The following KIF25 variants were observed in gnomAD, a reference collection of about 807,000 sequenced individuals.
The protein encoded by KIF25 is kinesin-like protein KIF25.
A neutral mutation model predicts 32.9 loss-of-function variants in KIF25; 19 were observed. That is an observed-to-expected ratio of 0.58 (90% CI 0.40 to 0.85). KIF25 has a LOEUF of 0.85. Ranked by LOEUF, KIF25 falls within the 40% of genes least tolerant of loss-of-function variation. The pLI is 0.00. For synonymous variants in KIF25, 225 were observed against 213.7 expected, an observed-to-expected ratio of 1.05 and a Z score of -0.46; for missense variants, 485 against 507.0, an observed-to-expected ratio of 0.96 and a Z score of 0.42.
rs781427087 is a variant in KIF25, at chr6:168,033,903, G to A, written c.189G>A (p.Ala63=). The change falls in exon 8 of 13, where the codon GCG becomes GCA. Residue 63 remains alanine, a synonymous_variant. Transcript: ENST00000643607. ...TTAGGTACAATGTTTGTGTTATGGC[G>A]TATGGACAGACGGGCAGCGGAAAGA... The part of the protein sequence containing the change: ...LLDGYNVCVM[A]YGQTGSGKSY... 1.1e-5 allele frequency: 17 copies of A among 1,614,038 alleles called. No homozygotes were observed. Among genetic ancestry groups the A allele is most frequent in the Admixed American group, 3.3e-5 (2 of 60,006 alleles).
intron 5 of KIF25, among the ~76,000 whole-genome samples, chr6:168,020,283 C>T (rs1324037279): frequency 6.6e-6 from 1 of 152,142 alleles, no homozygotes; most frequent in African/African-American, 2.4e-5. Flanking sequence ...ACCAGCACCT[C>T]TAAAGTACGG....
intron 5 of KIF25, among the ~76,000 whole-genome samples, chr6:168,025,383 C>A (rs1798846073): frequency 6.6e-6 from 1 of 152,258 alleles, no homozygotes; most frequent in Non-Finnish European, 1.5e-5. Flanking sequence ...CTTCTACTAT[C>A]GTCTTCCCAA....
At chr6:168,014,766 C>A (rs1007151656) in intron 4 of KIF25, among the ~76,000 whole-genome samples, 4 of 152,192 alleles carry the variant, frequency 2.6e-5, no homozygotes, top group African/African-American at 9.7e-5. Context: ...TGGTAGCTGT[C>A]TTAAAGGCTA....
intron 10 of KIF25, 132 bp downstream of exon 10, chr6:168,040,348 C>G: frequency 1.1e-6 from 1 of 881,730 alleles, no homozygotes; most frequent in Non-Finnish European, 1.6e-6. Flanking sequence ...GGTGGATCAC[C>G]TGAGGTCAAG....
At chr6:168,031,969 A>G (rs911273019) in intron 7 of KIF25, among the ~76,000 whole-genome samples, 14 of 152,352 alleles carry the variant, frequency 9.2e-5, no homozygotes, top group African/African-American at 3.1e-4. Flanking sequence ...TCAGGGAGAC[A>G]TGAGACTTCA....
chr6:168,035,433 C>A (rs560299762), intron 8 of KIF25, among the ~76,000 whole-genome samples: 1 of 9,382 alleles, frequency 1.1e-4, no homozygotes, highest in Admixed American at 1.6e-3. Flanking sequence ...GCTGGAACGG[C>A]GCGGCGGAGG....
intron 4 of KIF25, among the ~76,000 whole-genome samples, chr6:168,016,861 ACGAGGCACAGC>A (rs994032547): frequency 6.6e-6 from 1 of 152,244 alleles, no homozygotes; most frequent in Admixed American, 6.5e-5. Flanking sequence ...AAGGCTGCCT[ACGAGGCACAGC>A]CGAGGCTCTG....
At chr6:168,035,358 G>A (rs1280523981) in intron 8 of KIF25, among the ~76,000 whole-genome samples, 2 of 136,730 alleles carry the variant, frequency 1.5e-5, no homozygotes, top group Non-Finnish European at 3.1e-5. Flanking sequence ...TTCCACGGCT[G>A]CGTTTCCGTT....
rs1270030898 is a variant in KIF25, at chr6:168,027,474, A to AAG, written c.-94-2006_-94-2005dup. 3.4e-3 allele frequency among the ~76,000 whole-genome samples: 474 copies of AAG among 140,510 alleles called. 15 individuals carry two copies. The highest frequency in any genetic ancestry group is 7.0e-3 in the Middle Eastern group (2 of 284). The allele number at this position is 140,510 out of a possible 152,430, so 92.2% of individuals were successfully genotyped here. On this transcript the variant is annotated intron_variant, in intron 5 of 12. Transcript: ENST00000643607. ...GTCTCCAAAAAAAAAAAAAAAAAAA[A>AAG]AGAGAGAGAGAGAAAGAAAAAGGGA... is the stretch of plus-strand genomic sequence containing the variant.
Position 168,030,830 on chromosome 6 carries a change from CACT to C in KIF25, c.151_153del (p.Thr51del). 1.2e-6 allele frequency: 2 copies of C among 1,612,920 alleles called. No homozygotes were observed. The highest frequency in any genetic ancestry group is 1.7e-6 in the Non-Finnish European group (2 of 1,179,314). ...TCTTTGGAGATGTGTGCCCCCTACT[CACT>C]TCTCTCTTGGATGGGTGAGTTAAAA... On this transcript the variant is annotated inframe_deletion, in exon 7 of 13. Coordinates refer to ENST00000643607, the MANE Select transcript of KIF25 (RefSeq NM_030615.4).
At chr6:168,027,038 C>T (rs1798869348) in intron 5 of KIF25, among the ~76,000 whole-genome samples, 1 of 152,100 alleles carries the variant, frequency 6.6e-6, no homozygotes, top group South Asian at 2.1e-4. Context: ...GGACCGTTCC[C>T]AGGAGGCTGC....
intron 8 of KIF25, among the ~76,000 whole-genome samples, chr6:168,038,161 G>A (rs1448613088): frequency 6.6e-6 from 1 of 152,222 alleles, no homozygotes; most frequent in Non-Finnish European, 1.5e-5. Flanking sequence ...CCCATCACTG[G>A]AGAAGTGCTA....
intron 8 of KIF25, among the ~76,000 whole-genome samples, chr6:168,035,320 C>T (rs1486168850): frequency 1.3e-5 from 2 of 150,874 alleles, no homozygotes; most frequent in Admixed American, 1.3e-4. Flanking sequence ...ATGCACGATG[C>T]ACAGCCAGTG....
chr6:168,038,444 C>CCAG (rs1323795528), intron 8 of KIF25, 109 bp from the exon 9 acceptor site: 5 of 1,082,112 alleles, frequency 4.6e-6, no homozygotes, highest in Non-Finnish European at 6.9e-6. Flanking sequence ...TGCTCGGACC[C>CCAG]CAGCAGTCTT....
Position 168,040,077 on chromosome 6 carries a change from C to T in KIF25, c.507C>T (p.Ser169=), listed in dbSNP as rs200651391. The T allele has an allele frequency of 1.0e-4, 168 of 1,612,670 alleles. No individual in the cohort carries two copies. The highest frequency in any genetic ancestry group is 3.2e-4 in the Admixed American group (19 of 59,978). ...GCCTTGTCTGTAGGGCTGTCGGCAG[C>T]GCCTCGAAACTGATGGAGCTCGTTC... ...VALLASEAVG[S]ASKLMELVHG... The change falls in exon 10 of 13, where the codon AGC becomes AGT. Residue 169 remains serine (S), a synonymous_variant. Transcript: ENST00000643607.
intron 5 of KIF25, among the ~76,000 whole-genome samples, chr6:168,024,841 A>T (rs1348534537): frequency 6.6e-6 from 1 of 152,124 alleles, no homozygotes; most frequent in Non-Finnish European, 1.5e-5. Context: ...ACCTGAGGTC[A>T]GGAGTTCGAG....
chr6:168,005,356 T>G (rs1047998387), intron 4 of KIF25, among the ~76,000 whole-genome samples: 6 of 151,734 alleles, frequency 4.0e-5, no homozygotes, highest in Admixed American at 2.6e-4. Context: ...CCCCGGAAAA[T>G]GAAGAGTTGA....
At chr6:168,030,954 C>T (rs1049789439) in intron 7 of KIF25, 107 bp downstream of exon 7, 2 of 850,676 alleles carry the variant, frequency 2.4e-6, no homozygotes, top group Non-Finnish European at 3.7e-6. Context: ...GAGCATTCTA[C>T]AGCACTGCAG....
At chr6:168,007,449 A>T (rs1008357466) in intron 4 of KIF25, among the ~76,000 whole-genome samples, 1 of 152,164 alleles carries the variant, frequency 6.6e-6, no homozygotes, top group Non-Finnish European at 1.5e-5. Flanking sequence ...CCATACAATC[A>T]GTAAAATGAT....
Sources: allele counts gnomAD v4.1 joint callset (sites outside exome capture counted in the v4.1 genomes callset), GRCh38; gene constraint gnomAD v4.1.1; transcripts MANE v1.5; gene names NCBI Gene and HGNC (gene_info 2026-07-23, HGNC 2026-07-21).